ZSCAN5A: variants seen among roughly 807,000 people sequenced by gnomAD.
The protein encoded by ZSCAN5A is zinc finger and SCAN domain containing 5A.
ZSCAN5A carries 12 observed loss-of-function variants against 23.7 expected under a neutral mutation model. That is an observed-to-expected ratio of 0.51 (90% confidence interval 0.32 to 0.82). The LOEUF is 0.82. Among genes scored for constraint, ZSCAN5A ranks in the 40% least tolerant of loss-of-function variants. The pLI, the probability that ZSCAN5A is intolerant of heterozygous loss-of-function variation, is 0.03. For synonymous variants in ZSCAN5A, 257 were observed against 239.9 expected (o/e 1.07, Z -0.66); for missense variants, 597 against 617.9 (o/e 0.97, Z 0.36).
intron 2 of ZSCAN5A, among the ~76,000 whole-genome samples, chr19:56,327,275 C>T (rs1486204763): frequency 6.6e-6 from 1 of 151,356 alleles, no homozygotes; most frequent in Non-Finnish European, 1.5e-5. Flanking sequence ...TCCCACCGCA[C>T]CTGGCTATGT....
chr19:56,284,852 G>A (rs758226983), intron 2 of ZSCAN5A: 39 of 201,196 alleles, frequency 1.9e-4, no homozygotes, highest in Non-Finnish European at 3.2e-4. Context: ...GATTAAGTGG[G>A]AATAATGAGG....
chr19:56,293,400 C>T (rs2039648024), intron 2 of ZSCAN5A, among the ~76,000 whole-genome samples: 1 of 152,022 alleles, frequency 6.6e-6, no homozygotes, highest in South Asian at 2.1e-4. Flanking sequence ...CAAAGCGGCT[C>T]AGACTAACGA....
chr19:56,319,814 C>T, upstream of ZSCAN5A: 5 of 778,246 alleles, frequency 6.4e-6, no homozygotes, highest in South Asian at 5.4e-5. Context: ...AATTGGGACT[C>T]TTCTGTCGAG....
At chr19:56,333,340 G>T (rs572934812) in intron 2 of ZSCAN5A, among the ~76,000 whole-genome samples, 4 of 151,570 alleles carry the variant, frequency 2.6e-5, no homozygotes, top group African/African-American at 9.7e-5. Context: ...CTTTCTCAAA[G>T]ACTTTATTTT....
chr19:56,240,993 G>A (rs2035386289), intron 2 of ZSCAN5A, among the ~76,000 whole-genome samples: 1 of 152,166 alleles, frequency 6.6e-6, no homozygotes. Context: ...ACAGGCGTGA[G>A]CCACCTTGCC....
At chr19:56,242,246 G>T (rs1002220463) in intron 2 of ZSCAN5A, among the ~76,000 whole-genome samples, 19 of 152,236 alleles carry the variant, frequency 1.2e-4, no homozygotes, top group African/African-American at 4.6e-4. Flanking sequence ...GGCGTGAGGG[G>T]TGCCTTGTGG....
chr19:56,235,064 C>T (rs62122500), intron 2 of ZSCAN5A, among the ~76,000 whole-genome samples: 1 of 101,892 alleles, frequency 9.8e-6, no homozygotes, highest in Non-Finnish European at 2.2e-5. Flanking sequence ...TCTGATTGAC[C>T]GTGGGCCAAG....
At chr19:56,306,264 T>C (rs2040679762) in intron 2 of ZSCAN5A, among the ~76,000 whole-genome samples, 1 of 152,210 alleles carries the variant, frequency 6.6e-6, no homozygotes, top group East Asian at 1.9e-4. Context: ...CTTCCCTCGA[T>C]AGCTGCAAAG....
At chr19:56,247,897 A>G (rs867955088) in intron 2 of ZSCAN5A, among the ~76,000 whole-genome samples, 4 of 152,066 alleles carry the variant, frequency 2.6e-5, no homozygotes, top group Non-Finnish European at 5.9e-5. Context: ...TTCACCTGTT[A>G]GCCAGGATGG....
At chr19:56,254,815 G>T (rs910188409) in intron 2 of ZSCAN5A, among the ~76,000 whole-genome samples, 2 of 152,078 alleles carry the variant, frequency 1.3e-5, no homozygotes, top group African/African-American at 4.8e-5. Context: ...GCCTTTTCTT[G>T]TGTCTGTTGG....
intron 2 of ZSCAN5A, among the ~76,000 whole-genome samples, chr19:56,239,323 G>T (rs1183915359): frequency 2.0e-5 from 3 of 152,234 alleles, no homozygotes; most frequent in Non-Finnish European, 4.4e-5. Flanking sequence ...AGCGGATGCT[G>T]CGAACTTCCC....
intron 2 of ZSCAN5A, chr19:56,247,308 C>A: frequency 7.1e-6 from 2 of 283,216 alleles, no homozygotes; most frequent in South Asian, 4.6e-5. Flanking sequence ...GGGAGAAGCC[C>A]TATAAATGTA....
upstream of ZSCAN5A, chr19:56,315,497 GT>G (rs1019534501): frequency 2.0e-5 from 3 of 152,384 alleles, no homozygotes; most frequent in African/African-American, 7.2e-5. Flanking sequence ...TGGGCTTCGA[GT>G]CTCCATGGTA....
At chr19:56,343,493 A>G in intron 2 of ZSCAN5A, 1 of 430,634 alleles carries the variant, frequency 2.3e-6, no homozygotes, top group Admixed American at 2.8e-5. Context: ...CAAATAGCCC[A>G]ATTCTACCAA....
In ZSCAN5A at chr19:56,225,110, A is replaced by C. The variant is rs2033788037; in HGVS notation, c.-64T>G. ...TCTTCCAGTAGCTGGTATCTAATTGATACCTATCTACACAGGCTTCCTCTG... is the reference window on the plus strand; with the variant it reads ...TCTTCCAGTAGCTGGTATCTAATTGCTACCTATCTACACAGGCTTCCTCTG... On this transcript the variant is annotated 5_prime_UTR_variant, in exon 3 of 6. Transcript: ENST00000683990. The C allele has an allele frequency of 4.6e-6, 7 of 1,519,986 alleles. No homozygotes were observed. The highest frequency in any genetic ancestry group is 6.1e-6 in the Non-Finnish European group (7 of 1,141,060). 94.2% of individuals were successfully genotyped at this position (1,519,986 alleles called of 1,614,324 possible). A position where few individuals can be genotyped will look rare whatever the true frequency, so the allele number is the denominator to read the frequency against.
intron 2 of ZSCAN5A, among the ~76,000 whole-genome samples, chr19:56,240,399 C>T (rs1042739030): frequency 3.3e-5 from 5 of 152,078 alleles, no homozygotes; most frequent in African/African-American, 1.2e-4. Context: ...GGCCCTAAAC[C>T]AATCATGGGG....
intron 2 of ZSCAN5A, among the ~76,000 whole-genome samples, chr19:56,291,386 TAAA>T (rs1053019660): frequency 6.6e-6 from 1 of 152,084 alleles, no homozygotes; most frequent in African/African-American, 2.4e-5. Flanking sequence ...TCTAAAGGAG[TAAA>T]GTCTCAAAGA....
At chr19:56,314,536 C>A (rs752809911) in intron 1 of ZSCAN5A, 145 bp downstream of exon 1, 1 of 152,334 alleles carries the variant, frequency 6.6e-6, no homozygotes, top group Non-Finnish European at 1.5e-5. Flanking sequence ...CCAGTCCCAT[C>A]CCCGGGCTCG....
chr19:56,228,631 C>T (rs1303840003), intron 2 of ZSCAN5A, among the ~76,000 whole-genome samples: 1 of 151,994 alleles, frequency 6.6e-6, no homozygotes. Context: ...ATGTTAAGAG[C>T]TGGTGGATTA....
Sources: allele counts gnomAD v4.1 joint callset (sites outside exome capture counted in the v4.1 genomes callset), GRCh38; gene constraint gnomAD v4.1.1; transcripts MANE v1.5; gene names NCBI Gene and HGNC (gene_info 2026-07-23, HGNC 2026-07-21).